TENM2: variants seen among roughly 807,000 people sequenced by gnomAD.
The protein encoded by TENM2 is teneurin-2.
In TENM2, 52 loss-of-function variants were observed where a neutral mutation model predicts 245.2. The observed-to-expected ratio is 0.21, with a 90% CI of 0.17 to 0.27. The LOEUF is 0.27. Ranked by LOEUF, TENM2 falls within the 10% of genes least tolerant of loss-of-function variation. The pLI is 1.00. For synonymous variants in TENM2, 1,363 were observed against 1,438.9 expected (o/e 0.95, Z 1.19); for missense variants, 3,046 against 3,666.8 (o/e 0.83, Z 4.37).
chr5:167,141,073 T>C, the TENM2 span, among the ~76,000 whole-genome samples: 1 of 152,186 alleles, frequency 6.6e-6, no homozygotes, highest in South Asian at 2.1e-4. Flanking sequence ...GTTTGCGCAT[T>C]TTTCAGTTGA....
chr5:167,588,327 T>A (rs891633127), intron 2 of TENM2, among the ~76,000 whole-genome samples: 1 of 152,336 alleles, frequency 6.6e-6, no homozygotes, highest in Admixed American at 6.5e-5. Flanking sequence ...TAGTAGTTTG[T>A]GTATCTGCAT....
intron 3 of TENM2, among the ~76,000 whole-genome samples, chr5:167,911,528 AAAAACAAAAC>A (rs960708779): frequency 6.6e-6 from 1 of 152,212 alleles, no homozygotes; most frequent in Non-Finnish European, 1.5e-5. Flanking sequence ...CTCCGTCTCA[AAAAACAAAAC>A]AAAACAAAAC....
chr5:167,359,408 C>T (rs1759559472), intron 1 of TENM2, among the ~76,000 whole-genome samples: 1 of 152,144 alleles, frequency 6.6e-6, no homozygotes, highest in African/African-American at 2.4e-5. Flanking sequence ...GATTAAATTT[C>T]CCAATTTACT....
chr5:168,074,610 C>T (rs1791302695), intron 7 of TENM2, among the ~76,000 whole-genome samples: 1 of 148,316 alleles, frequency 6.7e-6, no homozygotes, highest in Non-Finnish European at 1.5e-5. Flanking sequence ...AGAAGATCAT[C>T]TCTGTGGCTG....
chr5:167,222,726 C>G, the TENM2 span, among the ~76,000 whole-genome samples: 2 of 152,142 alleles, frequency 1.3e-5, no homozygotes, highest in African/African-American at 2.4e-5. Context: ...CATCCCAGTT[C>G]GCAAAGATGA....
intron 5 of TENM2, among the ~76,000 whole-genome samples, chr5:168,003,347 C>CCA (rs1784564542): frequency 2.0e-5 from 1 of 51,188 alleles, no homozygotes; most frequent in African/African-American, 7.8e-5. Context: ...ACACACACAC[C>CCA]CCCAAAGCTG....
chr5:167,618,746 A>G (rs532216552), intron 2 of TENM2, among the ~76,000 whole-genome samples: 1 of 152,190 alleles, frequency 6.6e-6, no homozygotes, highest in South Asian at 2.1e-4. Flanking sequence ...TGTTTTTTGT[A>G]TTCTCAGCTA....
At chr5:167,321,153 C>T (rs1756691703) in intron 1 of TENM2, among the ~76,000 whole-genome samples, 1 of 151,930 alleles carries the variant, frequency 6.6e-6, no homozygotes, top group Admixed American at 6.6e-5. Flanking sequence ...AATTGATGCT[C>T]TTCTCTGGAA....
At chr5:167,268,919 TA>T in the TENM2 span, among the ~76,000 whole-genome samples, 45 of 150,310 alleles carry the variant, frequency 3.0e-4, no homozygotes, top group Non-Finnish European at 2.4e-4. Flanking sequence ...GATAGATAGA[TA>T]GATAGATAGA....
intron 2 of TENM2, among the ~76,000 whole-genome samples, chr5:167,654,812 T>G: frequency 6.6e-6 from 1 of 152,150 alleles, no homozygotes; most frequent in Admixed American, 6.5e-5. Flanking sequence ...TAGCTCAGTG[T>G]CTGTTGTGGA....
chr5:168,117,437 A>G (rs1471263969), intron 9 of TENM2, among the ~76,000 whole-genome samples: 1 of 152,138 alleles, frequency 6.6e-6, no homozygotes, highest in Non-Finnish European at 1.5e-5. Flanking sequence ...AACCCTACAC[A>G]TACCATGTTT....
intron 6 of TENM2, among the ~76,000 whole-genome samples, chr5:168,061,535 G>A (rs1316794156): frequency 6.6e-6 from 1 of 152,068 alleles, no homozygotes; most frequent in Non-Finnish European, 1.5e-5. Context: ...GTTTCTCTGC[G>A]GCTCTTAGAC....
intron 2 of TENM2, among the ~76,000 whole-genome samples, chr5:167,444,292 TACACATAC>T (rs1460621065): frequency 2.1e-5 from 1 of 47,330 alleles, no homozygotes; most frequent in African/African-American, 6.5e-5. Context: ...CATGCACACA[TACACATAC>T]ACACACACAC....
chr5:167,690,968 TGTAGAG>T (rs1388951091), intron 2 of TENM2, among the ~76,000 whole-genome samples: 2 of 146,806 alleles, frequency 1.4e-5, no homozygotes, highest in African/African-American at 2.6e-5. Flanking sequence ...TGTGTGTGTG[TGTAGAG>T]AGAGAGAGGA....
At chr5:167,292,575 G>C (rs758393333) in intron 1 of TENM2, among the ~76,000 whole-genome samples, 9 of 152,118 alleles carry the variant, frequency 5.9e-5, no homozygotes, top group Non-Finnish European at 1.0e-4. Context: ...AACATGGATA[G>C]TTTTGAGTTT....
At chr5:168,086,761 G>A (rs1792495178) in intron 7 of TENM2, among the ~76,000 whole-genome samples, 1 of 152,206 alleles carries the variant, frequency 6.6e-6, no homozygotes, top group Non-Finnish European at 1.5e-5. Context: ...ATTGATCACA[G>A]TGAGGTCCTA....
chr5:168,094,180 T>C lies in TENM2; in HGVS notation c.1711+3411T>C, dbSNP rs537423035. Among the ~76,000 whole-genome samples the C allele has an allele frequency of 2.6e-5, 4 of 152,190 alleles. No homozygotes were observed. The East Asian group carries it at 7.7e-4, about 29-fold the overall frequency. On this transcript the variant is annotated intron_variant, in intron 8 of 28. Coordinates refer to ENST00000518659, the Ensembl canonical transcript of TENM2. ...AATTACAGGAGCAAAGAGGAAGTGG[T>C]ACAAAGCCCAGATTGAGGAAAGTGA...
chr5:167,316,847 AT>A (rs1391786337), intron 1 of TENM2, among the ~76,000 whole-genome samples: 1 of 152,226 alleles, frequency 6.6e-6, no homozygotes, highest in Non-Finnish European at 1.5e-5. Context: ...TGGTACTCAT[AT>A]TGCATAAGAC....
chr5:167,709,359 T>A (rs1561694412), intron 2 of TENM2, among the ~76,000 whole-genome samples: 1 of 152,240 alleles, frequency 6.6e-6, no homozygotes. Context: ...TCTATCTTAT[T>A]TGAATTTCAT....
Sources: allele counts gnomAD v4.1 joint callset (sites outside exome capture counted in the v4.1 genomes callset), GRCh38; gene constraint gnomAD v4.1.1; transcripts MANE v1.5; gene names NCBI Gene and HGNC (gene_info 2026-07-23, HGNC 2026-07-21).